Variants in GABBR2 observed in about 807,000 individuals in gnomAD.
The protein encoded by GABBR2 is G-protein coupled receptor 51.
A neutral mutation model predicts 105.6 loss-of-function variants in GABBR2; 23 were observed. The ratio of observed to expected loss-of-function variants is 0.22; its 90% CI spans 0.16 to 0.31. GABBR2 has a LOEUF of 0.31. Among genes scored for constraint, GABBR2 ranks in the 10% least tolerant of loss-of-function variants. GABBR2 has a pLI of 1.00. For synonymous variants in GABBR2, 478 were observed against 499.7 expected (o/e 0.96, Z 0.58); for missense variants, 734 against 1,245.5 (o/e 0.59, Z 6.18).
chr9:98,640,972 T>A (rs1829952287), intron 1 of GABBR2, among the ~76,000 whole-genome samples: 1 of 152,108 alleles, frequency 6.6e-6, no homozygotes, highest in Non-Finnish European at 1.5e-5. Context: ...AAGATCTGCC[T>A]CCTCAGTGAT....
chr9:98,586,550 T>C (rs913745420), intron 1 of GABBR2, among the ~76,000 whole-genome samples: 1 of 152,244 alleles, frequency 6.6e-6, no homozygotes, highest in Non-Finnish European at 1.5e-5. Flanking sequence ...TCCACCCGCC[T>C]TGGCCTCCCA....
chr9:98,659,881 G>T (rs1308002331), intron 1 of GABBR2, among the ~76,000 whole-genome samples: 1 of 151,950 alleles, frequency 6.6e-6, no homozygotes, highest in African/African-American at 2.4e-5. Context: ...AAAAAAAAAT[G>T]ATGCTGTAGT....
chr9:98,602,787 C>T (rs985347548), intron 1 of GABBR2, among the ~76,000 whole-genome samples: 1 of 152,192 alleles, frequency 6.6e-6, no homozygotes, highest in Non-Finnish European at 1.5e-5. Flanking sequence ...AGCAAACTAC[C>T]TTGTGCCTGT....
chr9:98,595,395 A>G (rs1829219726), intron 1 of GABBR2, among the ~76,000 whole-genome samples: 2 of 151,498 alleles, frequency 1.3e-5, no homozygotes, highest in African/African-American at 2.4e-5. Flanking sequence ...AAACTTTTAG[A>G]CTGCAGCAGA....
chr9:98,362,213 T>G (rs1275646875), intron 13 of GABBR2, among the ~76,000 whole-genome samples: 2 of 152,372 alleles, frequency 1.3e-5, no homozygotes, highest in East Asian at 3.9e-4. Context: ...CAAGGCTGAC[T>G]GCAAGACAAC....
chr9:98,617,092 G>C (rs896304327), intron 1 of GABBR2, among the ~76,000 whole-genome samples: 1 of 152,106 alleles, frequency 6.6e-6, no homozygotes, highest in African/African-American at 2.4e-5. Context: ...AATTTTCCTG[G>C]GTCCCTGCTG....
chr9:98,526,403 G>A (rs779831151), intron 3 of GABBR2, among the ~76,000 whole-genome samples: 1 of 152,002 alleles, frequency 6.6e-6, no homozygotes, highest in African/African-American at 2.4e-5. Context: ...CTCTCTGCCT[G>A]GAACCCTCTT....
At chr9:98,456,567 C>T (rs1258281078) in intron 6 of GABBR2, among the ~76,000 whole-genome samples, 2 of 152,164 alleles carry the variant, frequency 1.3e-5, no homozygotes, top group African/African-American at 4.8e-5. Flanking sequence ...GAGGTACCAC[C>T]AGAATCTCAA....
At chr9:98,617,041 C>G (rs1197948810) in intron 1 of GABBR2, among the ~76,000 whole-genome samples, 2 of 152,202 alleles carry the variant, frequency 1.3e-5, no homozygotes, top group Non-Finnish European at 2.9e-5. Flanking sequence ...GTTCTAACCA[C>G]TCTCCTCCAT....
chr9:98,527,109 A>AT (rs67115915), intron 3 of GABBR2, among the ~76,000 whole-genome samples: 11 of 142,560 alleles, frequency 7.7e-5, no homozygotes, highest in South Asian at 2.4e-4. Flanking sequence ...TATATATATT[A>AT]TATATATATA....
intron 1 of GABBR2, among the ~76,000 whole-genome samples, chr9:98,600,472 G>A (rs1829313257): frequency 6.6e-6 from 1 of 152,206 alleles, no homozygotes; most frequent in Non-Finnish European, 1.5e-5. Context: ...AATGTGGTCA[G>A]TGTCCCAGAA....
intron 4 of GABBR2, among the ~76,000 whole-genome samples, chr9:98,486,812 G>A (rs1325715025): frequency 6.6e-6 from 1 of 152,182 alleles, no homozygotes; most frequent in African/African-American, 2.4e-5. Flanking sequence ...ACTTGGAGTG[G>A]GCCCTAGAAG....
At chr9:98,323,230 G>A (rs1830856944) in intron 13 of GABBR2, among the ~76,000 whole-genome samples, 1 of 152,206 alleles carries the variant, frequency 6.6e-6, no homozygotes, top group Non-Finnish European at 1.5e-5. Context: ...GGCGGGACTG[G>A]GTAGAAGGGC....
At chr9:98,654,951 C>G (rs115234575) in intron 1 of GABBR2, among the ~76,000 whole-genome samples, 1 of 152,006 alleles carries the variant, frequency 6.6e-6, no homozygotes, top group Non-Finnish European at 1.5e-5. Context: ...ATGAAAAGAC[C>G]TGGAGGGTCT....
intron 1 of GABBR2, among the ~76,000 whole-genome samples, chr9:98,632,430 A>G (rs1362174716): frequency 2.0e-5 from 3 of 152,154 alleles, no homozygotes; most frequent in Admixed American, 1.3e-4. Context: ...ACTCTTAAAC[A>G]TTCCTCCCCT....
chr9:98,628,107 A>T (rs1461276694), intron 1 of GABBR2, among the ~76,000 whole-genome samples: 1 of 152,268 alleles, frequency 6.6e-6, no homozygotes, highest in African/African-American at 2.4e-5. Flanking sequence ...AGCAATTGAA[A>T]AGTTACATGA....
rs190000444 is a variant in GABBR2 at position 98,584,271 on chromosome 9, C to T, written c.322-6199G>A. ...CATGCAATAACTCAAAGCTTCATGA[C>T]TGGCCTAGCCTCTGTCTTCAGTCTT... On this transcript the variant is annotated intron_variant, in intron 1 of 18. Coordinates refer to ENST00000259455, the MANE Select transcript of GABBR2 (RefSeq NM_005458.8). Among the ~76,000 whole-genome samples the T allele has an allele frequency of 3.0e-3, 462 of 152,344 alleles. 11 individuals are homozygous for T. Among genetic ancestry groups the T allele is most frequent in the Non-Finnish European group, 6.8e-4 (46 of 68,038 alleles).
Position 98,493,510 on chromosome 9 carries a change from T to C in GABBR2, c.732+2903A>G, listed in dbSNP as rs374450360. Among the ~76,000 whole-genome samples the C allele has an allele frequency of 1.2e-4, 18 of 152,346 alleles. No individual in the cohort carries two copies. The East Asian group carries it at 3.5e-3, about 29-fold the overall frequency. On this transcript the variant is annotated intron_variant, in intron 4 of 18. Transcript: ENST00000259455. ...CTCACTGGATTGATCTATTTGGCGATTTCCTCTGAATTCTGGGAAAGTATC... is the reference window on the plus strand; with the variant it reads ...CTCACTGGATTGATCTATTTGGCGACTTCCTCTGAATTCTGGGAAAGTATC...
intron 2 of GABBR2, among the ~76,000 whole-genome samples, chr9:98,559,889 TG>T (rs755216524): frequency 2.0e-5 from 3 of 150,490 alleles, no homozygotes; most frequent in South Asian, 4.2e-4. Context: ...CAGTGAAATC[TG>T]GGAAAATTAA....
Sources: allele counts gnomAD v4.1 joint callset (sites outside exome capture counted in the v4.1 genomes callset), GRCh38; gene constraint gnomAD v4.1.1; transcripts MANE v1.5; gene names NCBI Gene and HGNC (gene_info 2026-07-23, HGNC 2026-07-21).